Variants in PLEKHS1 observed in about 807,000 individuals in gnomAD.
PLEKHS1 encodes the protein pleckstrin homology domain-containing family S member 1.
Under a neutral mutation model 51.0 loss-of-function variants are expected in PLEKHS1, and 55 were observed. That is an observed-to-expected ratio of 1.08 (90% CI 0.87 to 1.35). The LOEUF is 1.35. Among genes scored for constraint, PLEKHS1 ranks in the 40% most tolerant of loss-of-function variants. The probability of loss-of-function intolerance (pLI) is 0.00; values close to 1 mark genes in which losing one functional copy is unlikely to be tolerated. For synonymous variants in PLEKHS1, 153 were observed against 144.8 expected, an observed-to-expected ratio of 1.06 and a Z score of -0.41; for missense variants, 398 against 423.0, an observed-to-expected ratio of 0.94 and a Z score of 0.52.
At chr10:113,756,775 T>A (rs192801291) in intron 2 of PLEKHS1, among the ~76,000 whole-genome samples, 400 of 152,048 alleles carry the variant, frequency 2.6e-3, no homozygotes, top group African/African-American at 9.3e-3. Flanking sequence ...ACTTATAAGG[T>A]AGGAGAAGGG....
Position 113,777,656 on chromosome 10 carries a change from G to A in PLEKHS1, c.1091+1790G>A, listed in dbSNP as rs148552101. 940 of 1,528,054 alleles carry A rather than the reference G, an allele frequency of 6.2e-4. 10 individuals are homozygous for A. In the East Asian group the frequency reaches 0.02, roughly 32 times the overall value. 94.7% of individuals were successfully genotyped at this position (1,528,054 alleles called of 1,614,324 possible). ...AATTAAATGAGGTAATATGTGTAACGTGCTTACAAAGGTGACTGGCACATA... is the reference window on the plus strand; with the variant it reads ...AATTAAATGAGGTAATATGTGTAACATGCTTACAAAGGTGACTGGCACATA... On this transcript the variant is annotated intron_variant, in intron 11 of 11. Coordinates refer to ENST00000361048, the Ensembl canonical transcript of PLEKHS1.
intron 2 of PLEKHS1, among the ~76,000 whole-genome samples, chr10:113,764,249 C>T (rs1182566725): frequency 6.6e-6 from 1 of 152,174 alleles, no homozygotes; most frequent in African/African-American, 2.4e-5. Context: ...TACAGGCTTG[C>T]ACCACCATGC....
chr10:113,755,296 A>T lies in PLEKHS1; in HGVS notation c.19A>T (p.Lys7Ter), dbSNP rs778992517. The T allele has an allele frequency of 3.7e-6, 6 of 1,609,346 alleles. No homozygotes were observed. In the South Asian group the frequency reaches 6.7e-5, roughly 18 times the overall value. The stretch of plus-strand genomic sequence containing the variant: ...AGCCATCATGGAACCCAAACCTCAG[A>T]AGAGTCCAGGTACCCGAGGGGTATA... Residue 7 changes from lysine (K) to a stop codon, truncating the protein, a stop_gained, in exon 2 of 12, where the codon AAG becomes TAG. Coordinates refer to ENST00000361048, the Ensembl canonical transcript of PLEKHS1. LOFTEE classifies it high-confidence loss of function.
intron 8 of PLEKHS1, among the ~76,000 whole-genome samples, chr10:113,772,805 C>T (rs1844473082): frequency 1.3e-5 from 2 of 152,242 alleles, no homozygotes; most frequent in East Asian, 1.9e-4. Flanking sequence ...GCGTGAAAGG[C>T]ATAGTGGGAG....
intron 2 of PLEKHS1, among the ~76,000 whole-genome samples, chr10:113,756,843 G>A (rs184696585): frequency 6.6e-5 from 10 of 151,850 alleles, no homozygotes; most frequent in Admixed American, 1.3e-4. Flanking sequence ...CCTTGACCGC[G>A]TATGACAAGT....
Position 113,760,040 on chromosome 10 carries a change from C to T in PLEKHS1, c.28+4735C>T, listed in dbSNP as rs528681112. Among the ~76,000 whole-genome samples, 4 of 152,268 alleles carry T rather than the reference C, an allele frequency of 2.6e-5. No homozygotes were observed. In the East Asian group the frequency reaches 7.7e-4, roughly 29 times the overall value. ...CCACTCTTCCATGCAGTCATACTTC[C>T]CCAGACAACCCCTGATCTGCTTTCT... On this transcript the variant is annotated intron_variant, in intron 2 of 11. Transcript: ENST00000361048.
At chr10:113,768,356 T>C (rs544539246) in intron 5 of PLEKHS1, among the ~76,000 whole-genome samples, 1 of 152,214 alleles carries the variant, frequency 6.6e-6, no homozygotes, top group East Asian at 1.9e-4. Context: ...CCCTGATCTG[T>C]TTCAGATTGA....
rs750186238 is a variant in PLEKHS1 at position 113,769,768 on chromosome 10, CTT to C, written c.436-10_436-9del. On this transcript the variant is annotated splice_polypyrimidine_tract_variant and intron_variant, in intron 6 of 11. Transcript: ENST00000361048. ...AGATCAACTGTGCCCTGACTGATTC[CTT>C]TTTTTGTGAGCAGGAGGAACTCTCA... is the stretch of plus-strand genomic sequence containing the variant. 2.6e-5 allele frequency: 40 copies of C among 1,561,868 alleles called. No individual in the cohort carries two copies. The East Asian group carries it at 6.1e-4, about 24-fold the overall frequency.
chr10:113,768,848 A>G (rs758809005), exon 6 of PLEKHS1: 3 of 1,613,810 alleles, frequency 1.9e-6, no homozygotes, highest in Non-Finnish European at 2.5e-6. Flanking sequence ...CCTTCATGTC[A>G]TCATTTCGCC....
chr10:113,767,396 G>A, exon 5 of PLEKHS1: 1 of 1,612,708 alleles, frequency 6.2e-7, no homozygotes, highest in South Asian at 1.1e-5. Flanking sequence ...TGCAATCTGT[G>A]CAGAAGATGT....
chr10:113,758,852 G>A (rs1439952434), intron 2 of PLEKHS1, among the ~76,000 whole-genome samples: 1 of 152,116 alleles, frequency 6.6e-6, no homozygotes, highest in Non-Finnish European at 1.5e-5. Context: ...ATCACTCATT[G>A]CTGGTCACTC....
chr10:113,775,839 C>T (rs1341563952), exon 11 of PLEKHS1: 4 of 1,612,770 alleles, frequency 2.5e-6, no homozygotes, highest in Non-Finnish European at 3.4e-6. Flanking sequence ...AACTATCTTG[C>T]TCTCACAGAA....
intron 10 of PLEKHS1, 119 bp downstream of exon 10, chr10:113,775,154 CA>C: frequency 2.2e-6 from 2 of 920,112 alleles, no homozygotes; most frequent in Non-Finnish European, 3.2e-6. Context: ...CCAAGTCAGC[CA>C]AAAACTTGAC....
intron 2 of PLEKHS1, among the ~76,000 whole-genome samples, chr10:113,758,505 T>G (rs1171394702): frequency 6.6e-6 from 1 of 152,160 alleles, no homozygotes; most frequent in African/African-American, 2.4e-5. Flanking sequence ...TAAACAGATA[T>G]GCTGTCACCC....
rs114651130 is a variant in PLEKHS1 at position 113,773,751 on chromosome 10, G to A, written c.673-476G>A. Among the ~76,000 whole-genome samples the A allele has an allele frequency of 3.3e-3, 509 of 152,206 alleles. 1 individual carries two copies. Among genetic ancestry groups the A allele is most frequent in the African/African-American group, 0.012 (486 of 41,526 alleles). On this transcript the variant is annotated intron_variant, in intron 8 of 11. Coordinates refer to ENST00000361048, the Ensembl canonical transcript of PLEKHS1. ...ACAAGTGACTCTCTTTGTTCTAAGGGGGCTATGGAGAGCTTCCTAAGGGCA... is the reference window on the plus strand; with the variant it reads ...ACAAGTGACTCTCTTTGTTCTAAGGAGGCTATGGAGAGCTTCCTAAGGGCA...
At chr10:113,773,974 C>T (rs73361853) in intron 8 of PLEKHS1, among the ~76,000 whole-genome samples, 3,080 of 152,244 alleles carry the variant, frequency 0.02, 101 homozygotes, top group African/African-American at 0.07. Context: ...AGCAATTTAG[C>T]TCAATAGAAA....
At chr10:113,755,978 A>G (rs1854089278) in intron 2 of PLEKHS1, among the ~76,000 whole-genome samples, 1 of 152,230 alleles carries the variant, frequency 6.6e-6, no homozygotes, top group African/African-American at 2.4e-5. Flanking sequence ...ACCAGGGCTT[A>G]TTATGAGGGT....
rs1451086460 is a variant in PLEKHS1, at chr10:113,766,708, G to T, written c.214G>T (p.Glu72Ter). Residue 72 changes from glutamate (E) to a stop codon, truncating the protein, a stop_gained, in exon 4 of 12, where the codon GAA becomes TAA. Transcript: ENST00000361048. LOFTEE classifies it high-confidence loss of function. ...AGACCATCATCACCGAGGTTCCATT[G>T]AAATTGATCAGTGTGTATCCAAGCA... The T allele has an allele frequency of 6.2e-7, 1 of 1,607,988 alleles. No individual in the cohort carries two copies. The highest frequency in any genetic ancestry group is 8.5e-7 in the Non-Finnish European group (1 of 1,177,448).
chr10:113,761,046 T>C (rs1456878020), intron 2 of PLEKHS1, among the ~76,000 whole-genome samples: 1 of 152,194 alleles, frequency 6.6e-6, no homozygotes, highest in African/African-American at 2.4e-5. Flanking sequence ...CCCAGCACCA[T>C]TTATTGAAAA....
Sources: gnomAD v4.1 joint callset for allele counts (sites outside exome capture counted in the v4.1 genomes callset) on GRCh38, gnomAD v4.1.1 for gene constraint, MANE v1.5 for transcripts, NCBI Gene and HGNC (gene_info 2026-07-23, HGNC 2026-07-21) for gene names.